Variants in EXT2 observed in about 807,000 individuals in gnomAD.
EXT2 encodes exostosin glycosyltransferase 2, also known as exostosin-2.
EXT2 carries 53 observed loss-of-function variants against 81.6 expected under a neutral mutation model. The observed-to-expected ratio is 0.65, with a 90% CI of 0.52 to 0.82. EXT2 has a LOEUF of 0.82. EXT2 is among the 40% of genes least tolerant of loss of function. EXT2 has a pLI of 0.00. For synonymous variants in EXT2, 320 were observed against 340.0 expected (o/e 0.94, Z 0.65); for missense variants, 774 against 910.2 (o/e 0.85, Z 1.93).
At chr11:44,115,143 G>A (rs1016203632) in intron 4 of EXT2, among the ~76,000 whole-genome samples, 1 of 152,192 alleles carries the variant, frequency 6.6e-6, no homozygotes, top group Non-Finnish European at 1.5e-5. Context: ...CCATCGTGAT[G>A]ACTTGCTCAA....
chr11:44,244,491 T>G lies in EXT2; in HGVS notation c.*204T>G. ...ACCTCGAGCTATGCAACCTCTGTTC[T>G]TGTATTTCTTATGATCTCTGATGGG... On this transcript the variant is annotated 3_prime_UTR_variant, in exon 14 of 14. Transcript: ENST00000533608. 2 of 583,514 alleles carry G rather than the reference T, an allele frequency of 3.4e-6. No homozygotes were observed. Among genetic ancestry groups the G allele is most frequent in the Non-Finnish European group, 3.1e-6 (1 of 326,802 alleles). The allele number at this position is 583,514 out of a possible 1,614,324, so 36.1% of individuals were successfully genotyped here. A position where few individuals can be genotyped will look rare whatever the true frequency, so the allele number is the denominator to read the frequency against.
rs16937864 is a variant in EXT2, at chr11:44,232,451, G to A, written c.1761G>A (p.Thr587=). Residue 587 remains threonine (T), a synonymous_variant, in exon 11 of 14, where the codon ACG becomes ACA. Transcript: ENST00000533608. ...AGTGGAAGTATGAGTCTGAGTGGAC[G>A]AATGAAGTGTCCATGGTGCTCACTG... ...MNKWKYESEW[T]NEVSMVLTGA... 2.6e-3 allele frequency: 4,172 copies of A among 1,614,024 alleles called. 84 individuals carry two copies. In the African/African-American group the frequency reaches 0.046, roughly 18 times the overall value.
rs575462630 is a variant in EXT2 at position 44,105,762 on chromosome 11, G to T, written c.-30-1921G>T. 2.0e-5 allele frequency among the ~76,000 whole-genome samples: 3 copies of T among 152,258 alleles called. No homozygotes were observed. The South Asian group carries it at 6.2e-4, about 32-fold the overall frequency. On this transcript the variant is annotated intron_variant, in intron 1 of 13. Transcript: ENST00000533608. ...TGTTTGGTAAGGATCTTAAAATGTG[G>T]TCTACATGGGAACTCTACATTTTTA...
At position 44,167,035 on chromosome 11, in the gene EXT2, G is replaced by A. The variant is rs571089623; in HGVS notation, c.1174-4576G>A. Among the ~76,000 whole-genome samples the A allele has an allele frequency of 2.1e-3, 323 of 152,338 alleles. 3 individuals carry two copies. Among genetic ancestry groups the A allele is most frequent in the African/African-American group, 7.3e-3 (305 of 41,572 alleles). ...GAATACCATTCCTGAGAGGAAGAAA[G>A]CACTTGGAATTGAGCTACATAGTCA... On this transcript the variant is annotated intron_variant, in intron 7 of 13. Coordinates refer to ENST00000533608, the MANE Select transcript of EXT2 (RefSeq NM_207122.2).
At chr11:44,224,103 C>A (rs1298615035) in intron 10 of EXT2, among the ~76,000 whole-genome samples, 2 of 152,240 alleles carry the variant, frequency 1.3e-5, no homozygotes, top group Non-Finnish European at 2.9e-5. Flanking sequence ...TATACAGGCT[C>A]TCTGCATTAT....
intron 9 of EXT2, among the ~76,000 whole-genome samples, chr11:44,199,366 G>A (rs1430852211): frequency 1.3e-5 from 2 of 152,256 alleles, no homozygotes; most frequent in African/African-American, 4.8e-5. Flanking sequence ...TTTCTCCAGA[G>A]TGAAGTGAAT....
chr11:44,213,762 G>A (rs1337923993), intron 10 of EXT2, among the ~76,000 whole-genome samples: 2 of 152,182 alleles, frequency 1.3e-5, no homozygotes, highest in Admixed American at 6.5e-5. Context: ...TAATATTTGT[G>A]TCATTAGAAT....
At chr11:44,176,387 G>A (rs1375583149) in intron 8 of EXT2, among the ~76,000 whole-genome samples, 1 of 152,156 alleles carries the variant, frequency 6.6e-6, no homozygotes, top group Non-Finnish European at 1.5e-5. Flanking sequence ...TGGTCAAAGT[G>A]CTAAACTCTT....
chr11:44,175,298 G>A (rs1252537633), intron 8 of EXT2, among the ~76,000 whole-genome samples: 6 of 152,174 alleles, frequency 3.9e-5, no homozygotes, highest in Admixed American at 2.0e-4. Flanking sequence ...TGCATGAGGA[G>A]TCATGGGTGA....
chr11:44,221,524 G>C (rs941207796), intron 10 of EXT2, among the ~76,000 whole-genome samples: 16 of 152,212 alleles, frequency 1.1e-4, no homozygotes, highest in African/African-American at 2.9e-4. Flanking sequence ...GCTGCCTGCT[G>C]TCTCATTGGG....
intron 8 of EXT2, among the ~76,000 whole-genome samples, chr11:44,185,106 T>C (rs1955292318): frequency 6.6e-6 from 1 of 152,212 alleles, no homozygotes; most frequent in African/African-American, 2.4e-5. Flanking sequence ...CTTTCACTGA[T>C]TGTATAGGCC....
intron 10 of EXT2, among the ~76,000 whole-genome samples, chr11:44,231,973 T>A (rs1955904126): frequency 6.6e-6 from 1 of 152,198 alleles, no homozygotes; most frequent in African/African-American, 2.4e-5. Flanking sequence ...ACCAATTTAA[T>A]ACAAATCAGG....
intron 1 of EXT2, among the ~76,000 whole-genome samples, chr11:44,101,984 A>G (rs1237033614): frequency 6.6e-6 from 1 of 151,492 alleles, no homozygotes; most frequent in Non-Finnish European, 1.5e-5. Context: ...TGGCACGTGG[A>G]AGATTGATGT....
chr11:44,242,385 T>C (rs902269966), intron 13 of EXT2, among the ~76,000 whole-genome samples: 1 of 152,078 alleles, frequency 6.6e-6, no homozygotes, highest in Non-Finnish European at 1.5e-5. Flanking sequence ...CTTTTCCCAG[T>C]CTCCCTTCAA....
At chr11:44,232,751 T>G (rs1345597907) in intron 11 of EXT2, among the ~76,000 whole-genome samples, 2 of 152,260 alleles carry the variant, frequency 1.3e-5, no homozygotes, top group African/African-American at 4.8e-5. Context: ...ATTCAGGTGC[T>G]ATTTCCAGCT....
intron 7 of EXT2, among the ~76,000 whole-genome samples, chr11:44,160,898 A>G (rs1333083303): frequency 6.6e-6 from 1 of 152,194 alleles, no homozygotes; most frequent in Non-Finnish European, 1.5e-5. Flanking sequence ...CTTCTTAGCC[A>G]ATCTATGGAA....
chr11:44,151,444 T>C (rs1468385054), intron 7 of EXT2, among the ~76,000 whole-genome samples: 1 of 152,200 alleles, frequency 6.6e-6, no homozygotes, highest in Non-Finnish European at 1.5e-5. Context: ...GGTTTTGCCT[T>C]TTTTTGAAGT....
chr11:44,204,530 A>G (rs912464475), intron 9 of EXT2, among the ~76,000 whole-genome samples: 4 of 152,308 alleles, frequency 2.6e-5, no homozygotes, highest in African/African-American at 7.2e-5. Context: ...TAGATGTTAC[A>G]GGGCGGGGTC....
intron 1 of EXT2, among the ~76,000 whole-genome samples, chr11:44,098,885 G>A (rs1422316113): frequency 6.6e-6 from 1 of 152,072 alleles, no homozygotes; most frequent in Non-Finnish European, 1.5e-5. Context: ...ATAGTCAGAG[G>A]CCGTCACATA....
Sources: gnomAD v4.1 joint callset for allele counts (sites outside exome capture counted in the v4.1 genomes callset) on GRCh38, gnomAD v4.1.1 for gene constraint, MANE v1.5 for transcripts, NCBI Gene and HGNC (gene_info 2026-07-23, HGNC 2026-07-21) for gene names.